The following ESRP2 variants were observed in gnomAD, a reference collection of about 807,000 sequenced individuals.
ESRP2 encodes RNA binding motif protein 35A.
In ESRP2, 48 loss-of-function variants were observed where a neutral mutation model predicts 78.6. The observed-to-expected ratio is 0.61, with a 90% CI of 0.48 to 0.78. ESRP2 has a LOEUF of 0.78. ESRP2 is among the 30% of genes least tolerant of loss of function. The pLI, the probability that ESRP2 is intolerant of heterozygous loss-of-function variation, is 0.00. For synonymous variants in ESRP2, 383 were observed against 406.7 expected (o/e 0.94, Z 0.70); for missense variants, 863 against 965.9 (o/e 0.89, Z 1.41).
In ESRP2 at chr16:68,235,617, C is replaced by T. The variant is rs1339706863; in HGVS notation, c.327+17G>A. On this transcript the variant is annotated intron_variant, in intron 2 of 14. Transcript: ENST00000473183. The surrounding 1 kb of genome is among the most constrained non-coding windows in gnomAD (Gnocchi z 5.5). ...TCCTCACGTCCAGGCCATGCCGCCA[C>T]CCACCCCGGCGCTCACCTGCTGCAG... 6.3e-7 allele frequency: 1 copy of T among 1,596,634 alleles called. No individual in the cohort carries two copies. The highest frequency in any genetic ancestry group is 1.3e-5 in the African/African-American group (1 of 74,996).
chr16:68,232,935 A>C lies in ESRP2; in HGVS notation c.656-120T>G. On this transcript the variant is annotated intron_variant, in intron 5 of 14. Transcript: ENST00000473183. The surrounding 1 kb of genome is among the most constrained non-coding windows in gnomAD (Gnocchi z 5.2). ...AATGACAGGCCGAGCACAGTGGCTC[A>C]CGCCTATAATCCCAGCACTTTGGGA... 2 of 1,411,832 alleles carry C rather than the reference A, an allele frequency of 1.4e-6. No homozygotes were observed. Among genetic ancestry groups the C allele is most frequent in the Non-Finnish European group, 2.0e-6 (2 of 1,019,894 alleles). The allele number at this position is 1,411,832 out of a possible 1,614,324, so 87.5% of individuals were successfully genotyped here.
chr16:68,235,510 C>A lies in ESRP2; in HGVS notation c.327+124G>T. 6.8e-7 allele frequency: 1 copy of A among 1,464,116 alleles called. No individual in the cohort carries two copies. Among genetic ancestry groups the A allele is most frequent in the African/African-American group, 1.4e-5 (1 of 70,394 alleles). The allele number at this position is 1,464,116 out of a possible 1,614,324, so 90.7% of individuals were successfully genotyped here. ...CGCGAGAGTCGCTCAAAGTTTCAAA[C>A]AAGAGCCCAGTCCTGCCGCCTGGAC... On this transcript the variant is annotated intron_variant, in intron 2 of 14. Transcript: ENST00000473183. The surrounding 1 kb of genome is among the most constrained non-coding windows in gnomAD (Gnocchi z 5.5).
At position 68,235,824 on chromosome 16, in the gene ESRP2, C is replaced by T. The variant is rs2042219547; in HGVS notation, c.198+24G>A. ...TCGACCCCGGAAGCTCCCTGGGGAC[C>T]TCACCGCCTCTTTTCCACCCTACCT... On this transcript the variant is annotated intron_variant, in intron 1 of 14. Transcript: ENST00000473183. This position sits in a 1 kb window ranked among gnomAD's most constrained non-coding sequence, Gnocchi z 5.5. 3.1e-6 allele frequency: 5 copies of T among 1,610,910 alleles called. No individual in the cohort carries two copies. Among genetic ancestry groups the T allele is most frequent in the Non-Finnish European group, 4.2e-6 (5 of 1,179,140 alleles).
Position 68,229,996 on chromosome 16 carries a change from G to A in ESRP2, c.*230C>T. 3.5e-6 allele frequency: 2 copies of A among 578,212 alleles called. No homozygotes were observed. The highest frequency in any genetic ancestry group is 3.1e-6 in the Non-Finnish European group (1 of 323,700). The allele number at this position is 578,212 out of a possible 1,614,324, so 35.8% of individuals were successfully genotyped here. A position where few individuals can be genotyped will look rare whatever the true frequency, so the allele number is the denominator to read the frequency against. On this transcript the variant is annotated 3_prime_UTR_variant, in exon 15 of 15. Coordinates refer to ENST00000473183, the MANE Select transcript of ESRP2 (RefSeq NM_024939.3). ...GCCTGGCTCAGGCCATCAGGAGCTG[G>A]TTAGCCCCATTCCACCCCCAGCCCT...
Position 68,229,361 on chromosome 16 carries a change from C to A in ESRP2, c.*865G>T, listed in dbSNP as rs1456868677. On this transcript the variant is annotated 3_prime_UTR_variant, in exon 15 of 15. Coordinates refer to ENST00000473183, the MANE Select transcript of ESRP2 (RefSeq NM_024939.3). ...GTGTCTTTTAAAAAGTCCATTTGGT[C>A]AATAACTTTTCATTTAAGGAAGAGA... 6.6e-6 allele frequency: 1 copy of A among 152,604 alleles called. No individual in the cohort carries two copies. Among genetic ancestry groups the A allele is most frequent in the African/African-American group, 2.4e-5 (1 of 41,450 alleles). 9.5% of individuals were successfully genotyped at this position (152,604 alleles called of 1,614,324 possible). A position where few individuals can be genotyped will look rare whatever the true frequency, so the allele number is the denominator to read the frequency against.
rs763528773 is a variant in ESRP2, at chr16:68,232,444, C to T, written c.881G>A (p.Arg294His). Residue 294 changes from arginine (R) to histidine (H), a missense_variant, in exon 8 of 15, where the codon CGC becomes CAC. Arg to His is a conservative substitution (Grantham distance 29). Coordinates refer to ENST00000473183, the MANE Select transcript of ESRP2 (RefSeq NM_024939.3). This position sits in a 1 kb window ranked among gnomAD's most constrained non-coding sequence, Gnocchi z 5.2. ...QGRRNGEALI[R>H]FVDSEQRDLA... ...GTCCCGCTGCTCGCTGTCCACAAAG[C>T]GGATGAGGGCCTCGCCATTTCTGCG... The T allele has an allele frequency of 6.8e-6, 11 of 1,613,958 alleles. No homozygotes were observed. Among genetic ancestry groups the T allele is most frequent in the African/African-American group, 5.3e-5 (4 of 74,912 alleles).
Position 68,233,362 on chromosome 16 carries a change from A to G in ESRP2, c.620T>C (p.Val207Ala). ...DFGVWEVKTM[V>A]AVILHLLKEP... is the part of the protein sequence containing the mutation. ...TTTGAGTAGATGGAGGATAACAGCT[A>G]CCATTGTCTTGACTTCCCAGACCCC... The change falls in exon 5 of 15, where the codon GTA (valine) becomes GCA (alanine). Residue 207 changes from valine to alanine, a missense_variant. By Grantham distance (64) the Val-to-Ala change is moderately conservative. Coordinates refer to ENST00000473183, the MANE Select transcript of ESRP2 (RefSeq NM_024939.3). 12 of 1,614,154 alleles carry G rather than the reference A, an allele frequency of 7.4e-6. No homozygotes were observed. The highest frequency in any genetic ancestry group is 1.0e-5 in the Non-Finnish European group (12 of 1,179,986).
At position 68,230,539 on chromosome 16, in the gene ESRP2, G is replaced by A. The variant is rs1476092953; in HGVS notation, c.1914C>T (p.Pro638=). 3.2e-6 allele frequency: 5 copies of A among 1,571,642 alleles called. No individual in the cohort carries two copies. Among genetic ancestry groups the A allele is most frequent in the African/African-American group, 1.4e-5 (1 of 74,010 alleles). ...GTGTAGTGAGGTAGCCCACAGTGGT[G>A]GGGGAGACTGGGGGGCTAGGGTGGG... ...TAYYPSPPVS[P]TTVGYLTTPT... is the part of the protein sequence containing the mutation. The change falls in exon 14 of 15, where the codon CCC becomes CCT. Residue 638 remains proline (P), a synonymous_variant. Coordinates refer to ENST00000473183, the MANE Select transcript of ESRP2 (RefSeq NM_024939.3).
At position 68,232,690 on chromosome 16, in the gene ESRP2, G is replaced by A. The variant is rs2042162048; in HGVS notation, c.711-3C>T. On this transcript the variant is annotated splice_polypyrimidine_tract_variant and splice_region_variant and intron_variant, in intron 6 of 14. Transcript: ENST00000473183. This position sits in a 1 kb window ranked among gnomAD's most constrained non-coding sequence, Gnocchi z 5.2. ...TGTCCACCACATCAGCCTTGCTGCT[G>A]TAGGGGCAGGGCACAGTGCTGTCAG... The A allele has an allele frequency of 6.2e-7, 1 of 1,614,212 alleles. No homozygotes were observed. The highest frequency in any genetic ancestry group is 8.5e-7 in the Non-Finnish European group (1 of 1,180,018).
At chr16:68,234,687 G>C (rs1386164673) in intron 2 of ESRP2, 1 of 152,522 alleles carries the variant, frequency 6.6e-6, no homozygotes. Context: ...GCACTCCTGA[G>C]GCTGCCCAGC....
rs1473479254 is a variant in ESRP2 at position 68,229,385 on chromosome 16, G to A, written c.*841C>T. 1 of 152,652 alleles carries A rather than the reference G, an allele frequency of 6.6e-6. No individual in the cohort carries two copies. Among genetic ancestry groups the A allele is most frequent in the Non-Finnish European group, 1.5e-5 (1 of 68,042 alleles). The allele number at this position is 152,652 out of a possible 1,614,324, so 9.5% of individuals were successfully genotyped here. On this transcript the variant is annotated 3_prime_UTR_variant, in exon 15 of 15. Transcript: ENST00000473183. ...TCAATAACTTTTCATTTAAGGAAGA[G>A]AAGATCGAGTTCCAAATTGCTTCCG...
chr16:68,235,510 C>T lies in ESRP2; in HGVS notation c.327+124G>A, dbSNP rs1398257590. 2.7e-6 allele frequency: 4 copies of T among 1,464,120 alleles called. No individual in the cohort carries two copies. The highest frequency in any genetic ancestry group is 3.6e-6 in the Non-Finnish European group (4 of 1,114,996). 90.7% of individuals were successfully genotyped at this position (1,464,120 alleles called of 1,614,324 possible). A position where few individuals can be genotyped will look rare whatever the true frequency, so the allele number is the denominator to read the frequency against. Reference sequence around the variant, plus strand: ...CGCGAGAGTCGCTCAAAGTTTCAAACAAGAGCCCAGTCCTGCCGCCTGGAC... The same window carrying T: ...CGCGAGAGTCGCTCAAAGTTTCAAATAAGAGCCCAGTCCTGCCGCCTGGAC... On this transcript the variant is annotated intron_variant, in intron 2 of 14. Transcript: ENST00000473183. This position sits in a 1 kb window ranked among gnomAD's most constrained non-coding sequence, Gnocchi z 5.5.
At chr16:68,234,933 C>T (rs8057119) in intron 2 of ESRP2, 27,503 of 164,692 alleles carry the variant, frequency 0.17, 2,759 homozygotes, top group African/African-American at 0.28. Context: ...GATGAAAGAA[C>T]GTGAGTGTAT....
At position 68,230,267 on chromosome 16, in the gene ESRP2, G is replaced by A. The variant is rs569178519; in HGVS notation, c.2113C>T (p.Arg705Cys). Residue 705 changes from arginine (R) to cysteine (C), a missense_variant, in exon 15 of 15, where the codon CGC becomes TGC. Arg to Cys is a radical substitution (Grantham distance 180). Transcript: ENST00000473183. The stretch of plus-strand genomic sequence containing the variant: ...TCCTTGGGGGCTTGTAACACAGTGC[G>A]AGGTGGGTCACCAACAGGCATCAGA... ...TSLMPVGDPP[R>C]TVLQAPKEWV... The A allele has an allele frequency of 3.3e-5, 53 of 1,614,200 alleles. No homozygotes were observed. The East Asian group carries it at 8.9e-4, about 27-fold the overall frequency.
chr16:68,233,151 A>G (rs2042169509), intron 5 of ESRP2, 176 bp downstream of exon 5: 1 of 602,756 alleles, frequency 1.7e-6, no homozygotes, highest in Admixed American at 3.0e-5. Flanking sequence ...GTGAGCTGAG[A>G]TTGTGCCACT....
At position 68,235,970 on chromosome 16, in the gene ESRP2, A is replaced by G. The variant is rs1188141325; in HGVS notation, c.76T>C (p.Trp26Arg). Residue 26 changes from tryptophan to arginine, a missense_variant, in exon 1 of 15, where the codon TGG becomes CGG. Coordinates refer to ENST00000473183, the MANE Select transcript of ESRP2 (RefSeq NM_024939.3). The surrounding 1 kb of genome is among the most constrained non-coding windows in gnomAD (Gnocchi z 5.5). ...AAGAGGACGACCAGTGATCCGGGCC[A>G]GGGGCAGGGGTCCGCGGCGGGGTCG... Reference protein sequence around the residue: ...AADPAADPCPWPGSLVVLFGA... With the variant: ...AADPAADPCPRPGSLVVLFGA... 6.2e-7 allele frequency: 1 copy of G among 1,602,622 alleles called. No homozygotes were observed. Among genetic ancestry groups the G allele is most frequent in the Non-Finnish European group, 8.5e-7 (1 of 1,176,158 alleles).
In ESRP2 at chr16:68,235,545, G is replaced by C. The variant is rs927096257; in HGVS notation, c.327+89C>G. 8 of 1,536,974 alleles carry C rather than the reference G, an allele frequency of 5.2e-6. No homozygotes were observed. The Admixed American group carries it at 1.4e-4, about 26-fold the overall frequency. On this transcript the variant is annotated intron_variant, in intron 2 of 14. Transcript: ENST00000473183. The surrounding 1 kb of genome is among the most constrained non-coding windows in gnomAD (Gnocchi z 5.5). ...GTCCTGCCGCCTGGACCGGTTGGTT[G>C]CGGCACGCCAGGCCTAGCCTCCGGC...
chr16:68,230,100 A>G lies in ESRP2; in HGVS notation c.*126T>C. 1.2e-6 allele frequency: 1 copy of G among 849,596 alleles called. No individual in the cohort carries two copies. The highest frequency in any genetic ancestry group is 1.9e-6 in the Non-Finnish European group (1 of 517,580). The allele number at this position is 849,596 out of a possible 1,614,324, so 52.6% of individuals were successfully genotyped here. A position where few individuals can be genotyped will look rare whatever the true frequency, so the allele number is the denominator to read the frequency against. ...ATGGAGCTGGGGCTTGGGCTCCTCT[A>G]GGTACCTTCTGAGAGCTTTGACAAG... On this transcript the variant is annotated 3_prime_UTR_variant, in exon 15 of 15. Coordinates refer to ENST00000473183, the MANE Select transcript of ESRP2 (RefSeq NM_024939.3).
Position 68,233,768 on chromosome 16 carries a change from C to T in ESRP2, c.556G>A (p.Gly186Ser), listed in dbSNP as rs754097001. The change falls in exon 4 of 15, where the codon GGT (glycine) becomes AGT (serine). Residue 186 changes from glycine to serine, a missense_variant and splice_region_variant. Coordinates refer to ENST00000473183, the MANE Select transcript of ESRP2 (RefSeq NM_024939.3). Reference sequence around the variant, plus strand: ...CCTAACCCTGCTGGGTCACAGATACCCTGTGCCATGGTGGCCACAGTGAGG... The same window carrying T: ...CCTAACCCTGCTGGGTCACAGATACTCTGTGCCATGGTGGCCACAGTGAGG... Reference protein sequence around the residue: ...RDLTVATMAQGLGLETDATED... With the variant: ...RDLTVATMAQSLGLETDATED... The T allele has an allele frequency of 3.1e-6, 5 of 1,610,206 alleles. No homozygotes were observed. The African/African-American group carries it at 4.0e-5, about 13-fold the overall frequency.
Sources: gnomAD v4.1 joint callset for allele counts on GRCh38, gnomAD v4.1.1 for gene constraint, Gnocchi (gnomAD v3.1) non-coding constraint, MANE v1.5 for transcripts, NCBI Gene and HGNC (gene_info 2026-07-23, HGNC 2026-07-21) for gene names.